MAML3: variants seen among roughly 807,000 people sequenced by gnomAD.
MAML3 encodes mastermind-like protein 3.
MAML3 carries 27 observed loss-of-function variants against 101.9 expected under a neutral mutation model. That is an observed-to-expected ratio of 0.27 (90% confidence interval 0.20 to 0.37). The LOEUF (loss-of-function observed/expected upper bound fraction) is 0.37, where lower values mean the gene tolerates loss of function less well. Ranked by LOEUF, MAML3 falls within the 10% of genes least tolerant of loss-of-function variation. The pLI, the probability that MAML3 is intolerant of heterozygous loss-of-function variation, is 1.00. For missense variants in MAML3, 1,316 were observed against 1,444.9 expected (o/e 0.91, Z 1.45); for synonymous variants, 501 against 555.9 (o/e 0.90, Z 1.39).
At position 139,830,410 on chromosome 4, in the gene MAML3, A is replaced by ATTTT. The variant is rs1157293904; in HGVS notation, c.2079+58943_2079+58946dup. Among the ~76,000 whole-genome samples the ATTTT allele has an allele frequency of 4.5e-3, 545 of 121,260 alleles. 28 individuals carry two copies. The highest frequency in any genetic ancestry group is 0.019 in the African/African-American group (499 of 25,902). 79.6% of individuals were successfully genotyped at this position (121,260 alleles called of 152,430 possible). On this transcript the variant is annotated intron_variant, in intron 2 of 4. Coordinates refer to ENST00000509479, the MANE Select transcript of MAML3 (RefSeq NM_018717.5). ...AATAAATACTTTTGCACGCTGTGCT[A>ATTTT]TTTTTTTTTTTTTTTTTTTTTTGAG... is the stretch of plus-strand genomic sequence containing the variant.
At chr4:139,963,710 T>C (rs1284647587) in intron 1 of MAML3, among the ~76,000 whole-genome samples, 1 of 152,222 alleles carries the variant, frequency 6.6e-6, no homozygotes, top group East Asian at 1.9e-4. Context: ...TCAGAGACAA[T>C]TGTAAAAGCA....
At chr4:139,942,804 T>C (rs1733633058) in intron 1 of MAML3, among the ~76,000 whole-genome samples, 1 of 152,158 alleles carries the variant, frequency 6.6e-6, no homozygotes, top group Non-Finnish European at 1.5e-5. Flanking sequence ...TTGGTCCTTT[T>C]ATTCCCCAAA....
Position 139,890,722 on chromosome 4 carries a change from C to A in MAML3, c.714G>T (p.Gly238=). The A allele has an allele frequency of 6.2e-7, 1 of 1,614,006 alleles. No homozygotes were observed. Among genetic ancestry groups the A allele is most frequent in the Non-Finnish European group, 8.5e-7 (1 of 1,179,898 alleles). ...PLQNSGTHTP[G]LLEDLSKNGR... ...CATTCTTACTTAGATCTTCTAGAAG[C>A]CCAGGAGTGTGAGTTCCACTGTTCT... Residue 238 remains glycine (G), a synonymous_variant, in exon 2 of 5, where the codon GGG becomes GGT. Transcript: ENST00000509479. The surrounding 1 kb of genome is among the most constrained non-coding windows in gnomAD (Gnocchi z 4.1).
At chr4:139,979,026 G>A (rs1392901681) in intron 1 of MAML3, among the ~76,000 whole-genome samples, 1 of 152,100 alleles carries the variant, frequency 6.6e-6, no homozygotes, top group Non-Finnish European at 1.5e-5. Context: ...CTGCTTATGT[G>A]GTACTAGTAA....
chr4:139,889,822 A>G lies in MAML3; in HGVS notation c.1614T>C (p.Asn538=), dbSNP rs769993041. ...YGAAFTAEKP[N]SPMMYPQAFN... ...AGGCTTGGGGGTACATCATTGGGCT[A>G]TTTGGTTTTTCTGCAGTAAAAGCTG... The change falls in exon 2 of 5, where the codon AAT becomes AAC. Residue 538 remains asparagine, a synonymous_variant. Coordinates refer to ENST00000509479, the MANE Select transcript of MAML3 (RefSeq NM_018717.5). 5.0e-6 allele frequency: 8 copies of G among 1,613,804 alleles called. No individual in the cohort carries two copies. The highest frequency in any genetic ancestry group is 6.8e-6 in the Non-Finnish European group (8 of 1,179,862).
At position 139,889,552 on chromosome 4, in the gene MAML3, C is replaced by T; in HGVS notation, c.1884G>A (p.Leu628=). Reference sequence around the variant, plus strand: ...GTTGCTGCTGCTGGATATACGGCATCAAGGGGTTTTTGTTGGGGTTGGCCA... The same window carrying T: ...GTTGCTGCTGCTGGATATACGGCATTAAGGGGTTTTTGTTGGGGTTGGCCA... ...PPVANPNKNP[L]MPYIQQQQQQ... The change falls in exon 2 of 5, where the codon TTG becomes TTA. Residue 628 remains leucine (L), a synonymous_variant. Coordinates refer to ENST00000509479, the MANE Select transcript of MAML3 (RefSeq NM_018717.5). 1 of 1,613,642 alleles carries T rather than the reference C, an allele frequency of 6.2e-7. No individual in the cohort carries two copies. Among genetic ancestry groups the T allele is most frequent in the Non-Finnish European group, 8.5e-7 (1 of 1,179,828 alleles).
At chr4:140,091,142 T>C (rs1287398782) in intron 1 of MAML3, among the ~76,000 whole-genome samples, 1 of 152,136 alleles carries the variant, frequency 6.6e-6, no homozygotes, top group Non-Finnish European at 1.5e-5. Flanking sequence ...AGCCAGCATC[T>C]CCATCTCTGC....
chr4:139,788,972 AG>A (rs1471163984), intron 2 of MAML3, among the ~76,000 whole-genome samples: 21 of 152,242 alleles, frequency 1.4e-4, no homozygotes, highest in Admixed American at 1.3e-3. Context: ...GAAGAAGAGG[AG>A]GAAAGAAGAC....
chr4:139,837,448 A>C (rs527851923), intron 2 of MAML3, among the ~76,000 whole-genome samples: 6 of 152,106 alleles, frequency 3.9e-5, no homozygotes, highest in African/African-American at 1.4e-4. Flanking sequence ...CAGTGAGCTG[A>C]GATCATGCCA....
At chr4:140,027,391 T>C (rs1429446184) in intron 1 of MAML3, among the ~76,000 whole-genome samples, 1 of 152,250 alleles carries the variant, frequency 6.6e-6, no homozygotes, top group Admixed American at 6.5e-5. Flanking sequence ...TGGTATACTT[T>C]AGTTGTTTGC....
At chr4:139,723,270 T>C (rs1348354913) in intron 4 of MAML3, among the ~76,000 whole-genome samples, 1 of 152,200 alleles carries the variant, frequency 6.6e-6, no homozygotes, top group African/African-American at 2.4e-5. Context: ...CATCTCTGGA[T>C]GGTGGGATTT....
Position 139,864,937 on chromosome 4 carries a change from T to TTG in MAML3, c.2079+24419_2079+24420insCA, listed in dbSNP as rs1731867860. 2.8e-5 allele frequency among the ~76,000 whole-genome samples: 4 copies of TTG among 143,748 alleles called. No homozygotes were observed. The South Asian group carries it at 8.7e-4, about 31-fold the overall frequency. The allele number at this position is 143,748 out of a possible 152,430, so 94.3% of individuals were successfully genotyped here. A position where few individuals can be genotyped will look rare whatever the true frequency, so the allele number is the denominator to read the frequency against. On this transcript the variant is annotated intron_variant, in intron 2 of 4. Transcript: ENST00000509479. ...ATGCAAACTTGCTTTTTTTTTTTTT[T>TTG]TTTTTTTTTTTTTTTTGCCACAAAG...
rs772595276 is a variant in MAML3, at chr4:139,730,467, C to T, written c.2280G>A (p.Arg760=). 1.3e-6 allele frequency: 2 copies of T among 1,552,590 alleles called. No individual in the cohort carries two copies. ...GCTGCTGCTGCTGCTGCCTTTGCTC[C>T]CGCAGGAACTGTTGCTTCTGCTGCT... ...LIEQQKQQFL[R]EQRQQQQQQQ... Residue 760 remains arginine, a synonymous_variant, in exon 3 of 5, where the codon CGG becomes CGA. Transcript: ENST00000509479.
chr4:139,967,469 G>GACACAC (rs4057112), intron 1 of MAML3, among the ~76,000 whole-genome samples: 3,249 of 141,506 alleles, frequency 0.023, 48 homozygotes, highest in Non-Finnish European at 0.031. Context: ...CTTTTTAAGG[G>GACACAC]ACACACACAC....
intron 2 of MAML3, among the ~76,000 whole-genome samples, chr4:139,757,825 C>T (rs113468106): frequency 5.1e-4 from 77 of 152,126 alleles, no homozygotes; most frequent in Non-Finnish European, 9.0e-4. Context: ...TGCCTCCAGT[C>T]CCCCTACCTT....
intron 1 of MAML3, among the ~76,000 whole-genome samples, chr4:139,925,505 C>T (rs1560837939): frequency 2.0e-5 from 3 of 152,022 alleles, no homozygotes; most frequent in African/African-American, 7.2e-5. Context: ...GCTGGGATTA[C>T]AGGCATGAGC....
chr4:139,927,757 C>T (rs992023296), intron 1 of MAML3, among the ~76,000 whole-genome samples: 2 of 152,186 alleles, frequency 1.3e-5, no homozygotes, highest in Non-Finnish European at 2.9e-5. Flanking sequence ...CACATTTATG[C>T]GGACTCCTAT....
At chr4:139,960,948 G>A (rs1159533164) in intron 1 of MAML3, among the ~76,000 whole-genome samples, 2 of 152,164 alleles carry the variant, frequency 1.3e-5, no homozygotes, top group Non-Finnish European at 2.9e-5. Flanking sequence ...AGTTCAAAAG[G>A]AGCCACAGGT....
At chr4:140,123,625 C>T (rs548961791) in intron 1 of MAML3, among the ~76,000 whole-genome samples, 1 of 152,272 alleles carries the variant, frequency 6.6e-6, no homozygotes, top group Admixed American at 6.5e-5. Flanking sequence ...CAGCCTACCC[C>T]ATCAGAAGAC....
Sources: allele counts gnomAD v4.1 joint callset (sites outside exome capture counted in the v4.1 genomes callset), GRCh38; gene constraint gnomAD v4.1.1; non-coding constraint Gnocchi (gnomAD v3.1); transcripts MANE v1.5; gene names NCBI Gene and HGNC (gene_info 2026-07-23, HGNC 2026-07-21).